The following OTUD7A variants were observed in gnomAD, a reference collection of about 807,000 sequenced individuals.
OTUD7A encodes OTU deubiquitinase 7A.
Under a neutral mutation model 65.7 loss-of-function variants are expected in OTUD7A, and 12 were observed. The observed-to-expected ratio is 0.18, with a 90% CI of 0.12 to 0.30. The LOEUF (loss-of-function observed/expected upper bound fraction) is 0.30. Ranked by LOEUF, OTUD7A falls within the 10% of genes least tolerant of loss-of-function variation. The pLI is 1.00. For missense variants in OTUD7A, 1,148 were observed against 1,304.8 expected (o/e 0.88, Z 1.85); for synonymous variants, 641 against 586.3 (o/e 1.09, Z -1.35).
intron 1 of OTUD7A, among the ~76,000 whole-genome samples, chr15:31,856,644 G>A (rs1006262229): frequency 6.6e-6 from 1 of 152,176 alleles, no homozygotes; most frequent in African/African-American, 2.4e-5. Flanking sequence ...GCAAAGTGAA[G>A]CTCACTCAGG....
intron 8 of OTUD7A, among the ~76,000 whole-genome samples, chr15:31,519,595 T>G (rs2141109538): frequency 6.6e-6 from 1 of 152,282 alleles, no homozygotes; most frequent in African/African-American, 2.4e-5. Context: ...TGGAACAAGA[T>G]GAGGATGCCC....
chr15:31,739,225 A>G (rs1894272796), intron 1 of OTUD7A, among the ~76,000 whole-genome samples: 5 of 152,106 alleles, frequency 3.3e-5, no homozygotes, highest in African/African-American at 7.2e-5. Context: ...GGACCCAACA[A>G]ACACCTGTGG....
chr15:31,670,453 G>A (rs35978274), intron 1 of OTUD7A, among the ~76,000 whole-genome samples: 133 of 151,488 alleles, frequency 8.8e-4, no homozygotes, highest in Non-Finnish European at 9.6e-4. Flanking sequence ...TTGCTTCTTG[G>A]CTTTTTAATA....
chr15:31,666,126 G>C (rs918638323), intron 1 of OTUD7A, among the ~76,000 whole-genome samples: 2 of 151,868 alleles, frequency 1.3e-5, no homozygotes, highest in Non-Finnish European at 2.9e-5. Context: ...TTCTTTTTTG[G>C]TTATGTCCTT....
intron 1 of OTUD7A, among the ~76,000 whole-genome samples, chr15:31,825,134 A>G (rs16955947): frequency 0.023 from 3,448 of 152,346 alleles, 134 homozygotes; most frequent in African/African-American, 0.079. Context: ...AAGAATCACC[A>G]TGGAAATCGA....
chr15:31,596,278 G>T (rs1438088859), intron 3 of OTUD7A, among the ~76,000 whole-genome samples: 1 of 152,122 alleles, frequency 6.6e-6, no homozygotes, highest in Non-Finnish European at 1.5e-5. Context: ...CTCAGAATAA[G>T]GTCTCTAGTT....
chr15:31,485,019 A>G (rs1003149816), intron 12 of OTUD7A, among the ~76,000 whole-genome samples: 2 of 152,222 alleles, frequency 1.3e-5, no homozygotes, highest in Non-Finnish European at 2.9e-5. Flanking sequence ...GGGGGACCTC[A>G]GGTACTTGGT....
chr15:31,528,948 AG>A (rs1391835049), intron 6 of OTUD7A, among the ~76,000 whole-genome samples: 3 of 152,122 alleles, frequency 2.0e-5, no homozygotes, highest in East Asian at 1.9e-4. Context: ...GGATTCTTGG[AG>A]GGGGGTCTCA....
chr15:31,799,123 T>C (rs1896051023), intron 1 of OTUD7A, among the ~76,000 whole-genome samples: 1 of 152,100 alleles, frequency 6.6e-6, no homozygotes, highest in Admixed American at 6.5e-5. Context: ...GGGTGGATCC[T>C]TGAACAGAGA....
rs1245540394 is a variant in OTUD7A, at chr15:31,479,573, GC to G, written c.*3720del. ...AAATTTCCCACCACTGATAAGTACA[GC>G]CCTTTTATCTTAACCAATGGGAAGT... On this transcript the variant is annotated 3_prime_UTR_variant, in exon 13 of 13. Coordinates refer to ENST00000307050, the MANE Select transcript of OTUD7A (RefSeq NM_001382637.1). 1.3e-5 allele frequency: 2 copies of G among 149,000 alleles called. No individual in the cohort carries two copies. The highest frequency in any genetic ancestry group is 3.0e-5 in the Non-Finnish European group (2 of 67,594). 9.2% of individuals were successfully genotyped at this position (149,000 alleles called of 1,614,324 possible). A position where few individuals can be genotyped will look rare whatever the true frequency, so the allele number is the denominator to read the frequency against.
In OTUD7A at chr15:31,480,022, G is replaced by T. The variant is rs2041093174; in HGVS notation, c.*3272C>A. 6.6e-6 allele frequency: 1 copy of T among 152,126 alleles called. No individual in the cohort carries two copies. Among genetic ancestry groups the T allele is most frequent in the South Asian group, 2.1e-4 (1 of 4,818 alleles). 9.4% of individuals were successfully genotyped at this position (152,126 alleles called of 1,614,324 possible). A position where few individuals can be genotyped will look rare whatever the true frequency, so the allele number is the denominator to read the frequency against. ...ACTGATACATTCCCACTTTCAGAAGGTATTTGAACAAGCAGCAAAAAGCGT... is the reference window on the plus strand; with the variant it reads ...ACTGATACATTCCCACTTTCAGAAGTTATTTGAACAAGCAGCAAAAAGCGT... On this transcript the variant is annotated 3_prime_UTR_variant, in exon 13 of 13. Transcript: ENST00000307050.
intron 3 of OTUD7A, among the ~76,000 whole-genome samples, chr15:31,579,475 A>T (rs11630355): frequency 0.23 from 34,933 of 152,048 alleles, 5,188 homozygotes; most frequent in East Asian, 0.66. Context: ...CCACTTAGTG[A>T]TGAACGGGTG....
At chr15:31,659,030 AATGAATGAATG>A (rs1400981861) in intron 1 of OTUD7A, among the ~76,000 whole-genome samples, 16 of 110,512 alleles carry the variant, frequency 1.4e-4, no homozygotes, top group African/African-American at 6.7e-4. Context: ...TGAATGAATG[AATGAATGAATG>A]AATAAATAAA....
chr15:31,744,447 C>A (rs1019611481), intron 1 of OTUD7A, among the ~76,000 whole-genome samples: 4 of 151,916 alleles, frequency 2.6e-5, no homozygotes, highest in African/African-American at 7.3e-5. Context: ...CATTCAAAAA[C>A]CAATAAAAAT....
At position 31,480,345 on chromosome 15, in the gene OTUD7A, G is replaced by C. The variant is rs775337961; in HGVS notation, c.*2949C>G. 2 of 152,120 alleles carry C rather than the reference G, an allele frequency of 1.3e-5. No individual in the cohort carries two copies. The highest frequency in any genetic ancestry group is 2.9e-5 in the Non-Finnish European group (2 of 68,020). The allele number at this position is 152,120 out of a possible 1,614,324, so 9.4% of individuals were successfully genotyped here. On this transcript the variant is annotated 3_prime_UTR_variant, in exon 13 of 13. Transcript: ENST00000307050. ...AAAGTAAATTTCTGAAATAACCTTC[G>C]CAGGGGTTTAGAAGTATCTGGGATC...
At chr15:31,586,210 T>A (rs1889532048) in intron 3 of OTUD7A, among the ~76,000 whole-genome samples, 1 of 152,216 alleles carries the variant, frequency 6.6e-6, no homozygotes. Context: ...ACATAAAGAC[T>A]CTGCAGACAG....
intron 3 of OTUD7A, among the ~76,000 whole-genome samples, chr15:31,637,215 A>C (rs1298895460): frequency 6.6e-6 from 1 of 152,210 alleles, no homozygotes; most frequent in Non-Finnish European, 1.5e-5. Flanking sequence ...GTAGCTGGTG[A>C]CTTTAAGTTG....
intron 1 of OTUD7A, among the ~76,000 whole-genome samples, chr15:31,777,570 G>A (rs115477615): frequency 5.7e-4 from 87 of 152,250 alleles, no homozygotes; most frequent in African/African-American, 2.0e-3. Flanking sequence ...GCTGGGCTGC[G>A]GGCACCAGCA....
intron 1 of OTUD7A, among the ~76,000 whole-genome samples, chr15:31,678,100 A>G (rs1892633673): frequency 6.6e-6 from 1 of 152,194 alleles, no homozygotes; most frequent in Non-Finnish European, 1.5e-5. Context: ...TGCCCTAGGG[A>G]TCTGTGGAAC....
Sources: gnomAD v4.1 joint callset for allele counts (sites outside exome capture counted in the v4.1 genomes callset) on GRCh38, gnomAD v4.1.1 for gene constraint, MANE v1.5 for transcripts, NCBI Gene and HGNC (gene_info 2026-07-23, HGNC 2026-07-21) for gene names.